Variants in PPFIA2 observed in about 807,000 individuals in gnomAD.
PPFIA2 encodes the protein PPFI scaffold protein A2.
In PPFIA2, 46 loss-of-function variants were observed where a neutral mutation model predicts 175.5. The ratio of observed to expected loss-of-function variants is 0.26; its 90% confidence interval spans 0.21 to 0.34. PPFIA2 has a LOEUF of 0.34. Among genes scored for constraint, PPFIA2 ranks in the 10% least tolerant of loss-of-function variants. PPFIA2 has a pLI of 1.00. For synonymous variants in PPFIA2, 568 were observed against 511.4 expected, an observed-to-expected ratio of 1.11 and a Z score of -1.49; for missense variants, 1,179 against 1,506.1, an observed-to-expected ratio of 0.78 and a Z score of 3.60.
At chr12:81,527,517 T>C (rs1167927045) in intron 4 of PPFIA2, among the ~76,000 whole-genome samples, 4 of 152,096 alleles carry the variant, frequency 2.6e-5, no homozygotes, top group African/African-American at 7.2e-5. Flanking sequence ...TACTCAAATA[T>C]ATGCATAGTT....
chr12:81,412,917 C>T (rs1357264), intron 7 of PPFIA2, among the ~76,000 whole-genome samples: 24,280 of 151,706 alleles, frequency 0.16, 2,693 homozygotes, highest in East Asian at 0.42. Flanking sequence ...TTCGATCACA[C>T]ATATAAAAAG....
intron 5 of PPFIA2, among the ~76,000 whole-genome samples, chr12:81,453,415 C>T (rs1593226034): frequency 6.6e-6 from 1 of 152,006 alleles, no homozygotes; most frequent in Admixed American, 6.6e-5. Context: ...TTCATTAGTT[C>T]AGATAACTTT....
intron 8 of PPFIA2, among the ~76,000 whole-genome samples, chr12:81,392,237 G>A (rs2400934): frequency 0.067 from 10,163 of 151,868 alleles, 463 homozygotes; most frequent in African/African-American, 0.13. Flanking sequence ...ATGACTGCAA[G>A]ATTTGTAGTC....
intron 3 of PPFIA2, among the ~76,000 whole-genome samples, chr12:81,707,249 A>G (rs1340550968): frequency 6.6e-6 from 1 of 152,032 alleles, no homozygotes; most frequent in East Asian, 1.9e-4. Flanking sequence ...ACAAAATGGG[A>G]GAAAATTTTC....
At chr12:81,677,411 C>T (rs1596311701) in intron 3 of PPFIA2, among the ~76,000 whole-genome samples, 1 of 151,780 alleles carries the variant, frequency 6.6e-6, no homozygotes, top group Non-Finnish European at 1.5e-5. Context: ...ACAACAGTCG[C>T]CCTATTGTGC....
In PPFIA2 at chr12:81,281,243, GA is replaced by G; in HGVS notation, c.3212+13del. 1 of 1,530,480 alleles carries G rather than the reference GA, an allele frequency of 6.5e-7. No individual in the cohort carries two copies. Among genetic ancestry groups the G allele is most frequent in the Non-Finnish European group, 8.8e-7 (1 of 1,135,698 alleles). 94.8% of individuals were successfully genotyped at this position (1,530,480 alleles called of 1,614,324 possible). ...TTAATTATTCTTTGGGGAAAAAAAA[GA>G]AAAAACACCTACCGATGGAAACTAT... On this transcript the variant is annotated intron_variant, in intron 27 of 32. Coordinates refer to ENST00000549396, the MANE Select transcript of PPFIA2 (RefSeq NM_003625.5).
At chr12:81,289,154 A>G (rs2044246255) in intron 24 of PPFIA2, among the ~76,000 whole-genome samples, 1 of 151,822 alleles carries the variant, frequency 6.6e-6, no homozygotes, top group Admixed American at 6.6e-5. Flanking sequence ...GGGCTATTAC[A>G]TGTAAAGCGC....
At position 81,478,131 on chromosome 12, in the gene PPFIA2, G is replaced by A. The variant is rs1164436581; in HGVS notation, c.304-20265C>T. 2.6e-5 allele frequency among the ~76,000 whole-genome samples: 4 copies of A among 152,026 alleles called. No individual in the cohort carries two copies. The East Asian group carries it at 5.8e-4, about 22-fold the overall frequency. On this transcript the variant is annotated intron_variant, in intron 4 of 32. Coordinates refer to ENST00000549396, the MANE Select transcript of PPFIA2 (RefSeq NM_003625.5). ...AGGGATTCGACTTCTTCTTAGGTTA[G>A]TCTTCGGAGGGTGTATATGTCCAGG...
chr12:81,452,422 TC>T (rs2052755291), intron 5 of PPFIA2, among the ~76,000 whole-genome samples: 1 of 152,196 alleles, frequency 6.6e-6, no homozygotes, highest in Non-Finnish European at 1.5e-5. Flanking sequence ...TTGGTTGCCT[TC>T]TTACTCAACC....
At chr12:81,275,010 G>T (rs758771623) in intron 28 of PPFIA2, among the ~76,000 whole-genome samples, 4 of 152,116 alleles carry the variant, frequency 2.6e-5, no homozygotes, top group Admixed American at 1.3e-4. Context: ...CATTTCACGT[G>T]GTGAGCTGAG....
intron 24 of PPFIA2, among the ~76,000 whole-genome samples, chr12:81,292,142 G>A (rs1311121177): frequency 6.6e-6 from 1 of 151,956 alleles, no homozygotes. Flanking sequence ...TGGAAGTTGG[G>A]ACTTCAAATT....
At chr12:81,434,906 AAAT>A (rs1451234963) in intron 7 of PPFIA2, among the ~76,000 whole-genome samples, 3 of 152,182 alleles carry the variant, frequency 2.0e-5, no homozygotes, top group South Asian at 2.1e-4. Context: ...TGGAGAAAAC[AAAT>A]AATAACAGTT....
chr12:81,344,586 A>G, intron 19 of PPFIA2, 78 bp downstream of exon 19: 3 of 1,034,206 alleles, frequency 2.9e-6, no homozygotes, highest in Admixed American at 5.0e-5. Flanking sequence ...ACATTCGACT[A>G]GAGGGAATAT....
chr12:81,737,121 CA>C (rs201957973), intron 3 of PPFIA2, among the ~76,000 whole-genome samples: 9 of 146,980 alleles, frequency 6.1e-5, no homozygotes, highest in East Asian at 2.0e-4. Context: ...TTAATAAAGG[CA>C]AAAAAAAACA....
intron 3 of PPFIA2, among the ~76,000 whole-genome samples, chr12:81,745,988 A>G (rs1157843897): frequency 1.9e-5 from 2 of 106,922 alleles, no homozygotes; most frequent in African/African-American, 5.2e-5. Flanking sequence ...AGCTTTTCCA[A>G]CTCAATCTTT....
intron 9 of PPFIA2, chr12:81,378,054 T>A (rs556117833): frequency 1.3e-5 from 2 of 152,272 alleles, no homozygotes; most frequent in African/African-American, 4.8e-5. Flanking sequence ...AGAATTGCGT[T>A]ATACGGAGTT....
chr12:81,315,345 G>A (rs2052072444), intron 22 of PPFIA2, among the ~76,000 whole-genome samples: 2 of 151,872 alleles, frequency 1.3e-5, no homozygotes, highest in Non-Finnish European at 3.0e-5. Context: ...ATCATTGGGT[G>A]TGGTTGTTAT....
chr12:81,481,824 G>A (rs953989012), intron 4 of PPFIA2, among the ~76,000 whole-genome samples: 4 of 152,134 alleles, frequency 2.6e-5, no homozygotes, highest in Admixed American at 6.5e-5. Flanking sequence ...TCAGGACATA[G>A]GCATGGGCAA....
In PPFIA2 at chr12:81,465,072, A is replaced by G. The variant is rs192679315; in HGVS notation, c.304-7206T>C. On this transcript the variant is annotated intron_variant, in intron 4 of 32. Coordinates refer to ENST00000549396, the MANE Select transcript of PPFIA2 (RefSeq NM_003625.5). ...AAGCTGCATGGTAAGAGGAAAATTC[A>G]GCCTTTCAATTTCAAGTCAATGACA... 1.5e-3 allele frequency among the ~76,000 whole-genome samples: 229 copies of G among 152,270 alleles called. 1 individual carries two copies. Among genetic ancestry groups the G allele is most frequent in the South Asian group, 6.4e-3 (31 of 4,820 alleles).
Sources: allele counts gnomAD v4.1 joint callset (sites outside exome capture counted in the v4.1 genomes callset), GRCh38; gene constraint gnomAD v4.1.1; transcripts MANE v1.5; gene names NCBI Gene and HGNC (gene_info 2026-07-23, HGNC 2026-07-21).